CTNNA2: variants seen among roughly 807,000 people sequenced by gnomAD.
The protein encoded by CTNNA2 is catenin alpha-2.
In CTNNA2, 42 loss-of-function variants were observed where a neutral mutation model predicts 101.0. The observed-to-expected ratio is 0.42, with a 90% CI of 0.32 to 0.54. CTNNA2 has a LOEUF of 0.54. Among genes scored for constraint, CTNNA2 ranks in the 20% least tolerant of loss-of-function variants. The pLI, the probability that CTNNA2 is intolerant of heterozygous loss-of-function variation, is 0.14. For synonymous variants in CTNNA2, 450 were observed against 456.4 expected (o/e 0.99, Z 0.18); for missense variants, 871 against 1,223.1 (o/e 0.71, Z 4.29).
chr2:79,335,630 T>G (rs1676977304), intron 3 of CTNNA2, among the ~76,000 whole-genome samples: 1 of 152,162 alleles, frequency 6.6e-6, no homozygotes, highest in African/African-American at 2.4e-5. Flanking sequence ...AAAAATATAG[T>G]AAACATTCTA....
chr2:80,014,061 T>C (rs1301377349), intron 7 of CTNNA2, among the ~76,000 whole-genome samples: 5 of 152,200 alleles, frequency 3.3e-5, no homozygotes, highest in African/African-American at 1.2e-4. Flanking sequence ...TTTTCTACCA[T>C]AGAAGACAGC....
At position 79,692,653 on chromosome 2, in the gene CTNNA2, A is replaced by G. The variant is rs539194166; in HGVS notation, c.102+40995A>G. Among the ~76,000 whole-genome samples the G allele has an allele frequency of 2.6e-5, 4 of 152,244 alleles. No homozygotes were observed. In the South Asian group the frequency reaches 8.3e-4, roughly 32 times the overall value. ...TGCCCATCATTGATAGACTGGATAA[A>G]GAAAATGTGACACATATATACCATG... On this transcript the variant is annotated intron_variant, in intron 2 of 18. Transcript: ENST00000402739.
chr2:79,454,529 A>G (rs1161171498), intron 4 of CTNNA2, among the ~76,000 whole-genome samples: 3 of 152,200 alleles, frequency 2.0e-5, no homozygotes, highest in Non-Finnish European at 4.4e-5. Context: ...ATGGCCTAAA[A>G]TATCTTATGG....
chr2:80,110,602 G>C (rs1558818548), intron 7 of CTNNA2, among the ~76,000 whole-genome samples: 1 of 152,170 alleles, frequency 6.6e-6, no homozygotes, highest in African/African-American at 2.4e-5. Context: ...GAGTTTAGCT[G>C]TCCTTTCCTG....
intron 2 of CTNNA2, among the ~76,000 whole-genome samples, chr2:79,277,135 C>T (rs4467300): frequency 0.44 from 67,335 of 151,914 alleles, 15,359 homozygotes; most frequent in Non-Finnish European, 0.47. Flanking sequence ...ATCCTCAGTT[C>T]CTTGGATGAT....
In CTNNA2 at chr2:79,474,395, T is replaced by C. The variant is rs572706952; in HGVS notation, c.-134-30659T>C. Among the ~76,000 whole-genome samples the C allele has an allele frequency of 5.8e-4, 89 of 152,232 alleles. 1 individual carries two copies. Among genetic ancestry groups the C allele is most frequent in the Non-Finnish European group, 9.3e-4 (63 of 68,004 alleles). On this transcript the variant is annotated intron_variant, in intron 4 of 21. Transcript: ENST00000466387. Reference sequence around the variant, plus strand: ...CAACACATTAAGTGACATAAGCCAATGTCTAAAGACTGCATATGACATGGT... The same window carrying C: ...CAACACATTAAGTGACATAAGCCAACGTCTAAAGACTGCATATGACATGGT...
chr2:79,197,120 ATC>A (rs1158603316), intron 1 of CTNNA2, among the ~76,000 whole-genome samples: 2 of 152,206 alleles, frequency 1.3e-5, no homozygotes, highest in African/African-American at 4.8e-5. Context: ...TTACAATATT[ATC>A]TCTTTTTCCT....
At chr2:80,002,869 T>C (rs1574512413) in intron 7 of CTNNA2, among the ~76,000 whole-genome samples, 1 of 152,036 alleles carries the variant, frequency 6.6e-6, no homozygotes, top group Non-Finnish European at 1.5e-5. Flanking sequence ...TAGCTTCCTT[T>C]CCCTCCCTCC....
chr2:80,570,780 C>A (rs3755105), intron 12 of CTNNA2, among the ~76,000 whole-genome samples: 33,571 of 151,860 alleles, frequency 0.22, 4,226 homozygotes, highest in African/African-American at 0.35. Context: ...TTGTTTCTGC[C>A]ACTTCTGACA....
At chr2:79,995,587 G>T (rs1335005336) in intron 7 of CTNNA2, among the ~76,000 whole-genome samples, 1 of 152,146 alleles carries the variant, frequency 6.6e-6, no homozygotes, top group Non-Finnish European at 1.5e-5. Flanking sequence ...CAGGAGGGAG[G>T]ATCACTTGAG....
chr2:80,465,266 T>C (rs1363534821), intron 9 of CTNNA2, among the ~76,000 whole-genome samples: 1 of 152,196 alleles, frequency 6.6e-6, no homozygotes, highest in Non-Finnish European at 1.5e-5. Context: ...ATATGCATTT[T>C]GTGATCAAGG....
At chr2:80,163,650 GTACTGTTGAGTTC>G (rs1704478201) in intron 7 of CTNNA2, among the ~76,000 whole-genome samples, 1 of 152,050 alleles carries the variant, frequency 6.6e-6, no homozygotes, top group Non-Finnish European at 1.5e-5. Context: ...TTATTGATTG[GTACTGTTGAGTTC>G]TTCTATATCT....
chr2:79,727,727 C>A (rs1686938572), intron 2 of CTNNA2, among the ~76,000 whole-genome samples: 1 of 109,038 alleles, frequency 9.2e-6, no homozygotes, highest in Non-Finnish European at 1.8e-5. Flanking sequence ...TCCCTCCCCC[C>A]TCCCCCCACC....
chr2:80,519,341 C>T (rs1017457461), intron 9 of CTNNA2, among the ~76,000 whole-genome samples: 2 of 152,022 alleles, frequency 1.3e-5, no homozygotes, highest in East Asian at 1.9e-4. Context: ...AAATCCAGAC[C>T]GAAAAAGTGA....
chr2:80,355,124 T>C (rs986711826), intron 7 of CTNNA2, among the ~76,000 whole-genome samples: 6 of 152,162 alleles, frequency 3.9e-5, no homozygotes, highest in African/African-American at 1.2e-4. Context: ...TGAATCTTCT[T>C]CCTAATTGTA....
At chr2:80,046,906 A>G (rs1034868941) in intron 7 of CTNNA2, among the ~76,000 whole-genome samples, 3 of 152,216 alleles carry the variant, frequency 2.0e-5, no homozygotes, top group Non-Finnish European at 4.4e-5. Flanking sequence ...GAGGTATAGC[A>G]CGGATTCAAA....
intron 2 of CTNNA2, among the ~76,000 whole-genome samples, chr2:79,700,176 T>C: frequency 6.6e-6 from 1 of 152,074 alleles, no homozygotes; most frequent in East Asian, 1.9e-4. Flanking sequence ...AGAATTTCAG[T>C]GTAGCTGGTT....
chr2:79,452,141 A>G (rs1477253767), intron 4 of CTNNA2, among the ~76,000 whole-genome samples: 1 of 152,146 alleles, frequency 6.6e-6, no homozygotes, highest in African/African-American at 2.4e-5. Context: ...GGAAAGCCAT[A>G]AAGATATTAA....
chr2:80,053,403 T>G (rs1430623950), intron 7 of CTNNA2, among the ~76,000 whole-genome samples: 1 of 152,232 alleles, frequency 6.6e-6, no homozygotes, highest in Non-Finnish European at 1.5e-5. Context: ...AGTAAATATC[T>G]CTATCATATG....
Sources: allele counts gnomAD v4.1 joint callset (sites outside exome capture counted in the v4.1 genomes callset), GRCh38; gene constraint gnomAD v4.1.1; transcripts MANE v1.5; gene names NCBI Gene and HGNC (gene_info 2026-07-23, HGNC 2026-07-21).